KIF16B: variants seen among roughly 807,000 people sequenced by gnomAD.
KIF16B encodes kinesin family member 16B.
A neutral mutation model predicts 156.3 loss-of-function variants in KIF16B; 98 were observed. The observed-to-expected ratio is 0.63, with a 90% CI of 0.53 to 0.74. The LOEUF is 0.74. Among genes scored for constraint, KIF16B ranks in the 30% least tolerant of loss-of-function variants. The probability of loss-of-function intolerance (pLI) is 0.00; values close to 1 mark genes in which losing one functional copy is unlikely to be tolerated. For synonymous variants in KIF16B, 564 were observed against 583.7 expected (o/e 0.97, Z 0.49); for missense variants, 1,421 against 1,606.5 (o/e 0.88, Z 1.97).
In KIF16B at chr20:16,409,982, T is replaced by TGTAGGTAC. The variant is rs1357776953; in HGVS notation, c.1613-3527_1613-3526insGTACCTAC. ...ATATATATATATACATATATATATA[T>TGTAGGTAC]ATATATATATGTAGGTACATATATA... On this transcript the variant is annotated intron_variant, in intron 15 of 25. Transcript: ENST00000354981. Among the ~76,000 whole-genome samples, 355 of 55,494 alleles carry TGTAGGTAC rather than the reference T, an allele frequency of 6.4e-3. 16 individuals carry two copies. Among genetic ancestry groups the TGTAGGTAC allele is most frequent in the Non-Finnish European group, 9.0e-3 (265 of 29,312 alleles). The allele number at this position is 55,494 out of a possible 152,430, so 36.4% of individuals were successfully genotyped here.
Position 16,444,289 on chromosome 20 carries a change from C to T in KIF16B, c.1303-14307G>A, listed in dbSNP as rs561899966. Among the ~76,000 whole-genome samples, 7 of 152,268 alleles carry T rather than the reference C, an allele frequency of 4.6e-5. No individual in the cohort carries two copies. In the South Asian group the frequency reaches 1.5e-3, roughly 32 times the overall value. On this transcript the variant is annotated intron_variant, in intron 12 of 25. Coordinates refer to ENST00000354981, the MANE Select transcript of KIF16B (RefSeq NM_024704.5). Reference sequence around the variant, plus strand: ...AGGCCCTATGGTAGAAGTCAGCCAACTATGGCTGAAGGCCAAATAAGGCTG... The same window carrying T: ...AGGCCCTATGGTAGAAGTCAGCCAATTATGGCTGAAGGCCAAATAAGGCTG...
intron 17 of KIF16B, among the ~76,000 whole-genome samples, chr20:16,388,240 T>C (rs2065273942): frequency 6.6e-6 from 1 of 152,246 alleles, no homozygotes; most frequent in South Asian, 2.1e-4. Flanking sequence ...TGCAGTGATA[T>C]GAGTTGCTGC....
chr20:16,509,359 A>C (rs2068886360), intron 6 of KIF16B, among the ~76,000 whole-genome samples: 1 of 152,198 alleles, frequency 6.6e-6, no homozygotes, highest in Admixed American at 6.5e-5. Flanking sequence ...TAGAGGTGGA[A>C]TTTCTAGACA....
At chr20:16,393,703 T>C (rs2065425745) in intron 17 of KIF16B, among the ~76,000 whole-genome samples, 1 of 152,214 alleles carries the variant, frequency 6.6e-6, no homozygotes, top group Admixed American at 6.5e-5. Flanking sequence ...CAAACAGATA[T>C]AATCACCAAC....
intron 25 of KIF16B, among the ~76,000 whole-genome samples, chr20:16,284,662 C>A (rs541918877): frequency 6.6e-6 from 1 of 152,108 alleles, no homozygotes; most frequent in Non-Finnish European, 1.5e-5. Context: ...CAGTTCCTCA[C>A]GAGCTCAAAG....
chr20:16,417,312 G>A (rs184566809), intron 15 of KIF16B, among the ~76,000 whole-genome samples: 53 of 152,236 alleles, frequency 3.5e-4, no homozygotes, highest in East Asian at 2.7e-3. Context: ...CCTGGCCAAC[G>A]GGTAGTACAC....
rs376089765 is a variant in KIF16B, at chr20:16,507,017, C to A, written c.700-827G>T. ...CCTGGAAGGCTGAGGTGGGAGATCA[C>A]TTGAGCCCAGAGGTTGAGACTGCAG... On this transcript the variant is annotated intron_variant, in intron 7 of 25. Coordinates refer to ENST00000354981, the MANE Select transcript of KIF16B (RefSeq NM_024704.5). 8.6e-5 allele frequency among the ~76,000 whole-genome samples: 13 copies of A among 151,224 alleles called. No individual in the cohort carries two copies. The South Asian group carries it at 1.3e-3, about 15-fold the overall frequency.
At chr20:16,470,425 T>C (rs2067628092) in intron 12 of KIF16B, among the ~76,000 whole-genome samples, 1 of 152,054 alleles carries the variant, frequency 6.6e-6, no homozygotes, top group Non-Finnish European at 1.5e-5. Context: ...GGAGGTTGTG[T>C]ACATATGGGC....
At chr20:16,537,087 A>G (rs1477565502) in intron 1 of KIF16B, among the ~76,000 whole-genome samples, 1 of 151,372 alleles carries the variant, frequency 6.6e-6, no homozygotes, top group African/African-American at 2.4e-5. Flanking sequence ...CCTCTCTCAC[A>G]CACACTCCAT....
At chr20:16,558,247 G>A (rs1425332583) in intron 1 of KIF16B, among the ~76,000 whole-genome samples, 1 of 152,196 alleles carries the variant, frequency 6.6e-6, no homozygotes, top group Non-Finnish European at 1.5e-5. Flanking sequence ...CACAGAGTGT[G>A]GCAGAAAGAG....
intron 22 of KIF16B, among the ~76,000 whole-genome samples, chr20:16,362,409 A>G (rs1414361872): frequency 6.6e-6 from 1 of 152,228 alleles, no homozygotes; most frequent in African/African-American, 2.4e-5. Flanking sequence ...AATAAAAGGA[A>G]TTGAAAAGAA....
chr20:16,569,809 A>G (rs958538158), intron 1 of KIF16B, among the ~76,000 whole-genome samples: 3 of 152,252 alleles, frequency 2.0e-5, no homozygotes, highest in African/African-American at 7.2e-5. Flanking sequence ...TGCTGGGTTA[A>G]TAATTAATTC....
chr20:16,371,674 G>A lies in KIF16B; in HGVS notation c.3438C>T (p.Asp1146=), dbSNP rs768031772. Residue 1146 remains aspartate, a synonymous_variant, in exon 21 of 26, where the codon GAC becomes GAT. Transcript: ENST00000354981. The part of the protein sequence containing the change: ...VISEGCSTSA[D]TMKDNEKLHN... Reference sequence around the variant, plus strand: ...GGCTCCTTCAGCTTACCTTCATCGTGTCTGCAGATGTACTGCAGCCTTCAC... The same window carrying A: ...GGCTCCTTCAGCTTACCTTCATCGTATCTGCAGATGTACTGCAGCCTTCAC... The A allele has an allele frequency of 1.9e-6, 3 of 1,608,800 alleles. No homozygotes were observed. The highest frequency in any genetic ancestry group is 1.1e-5 in the South Asian group (1 of 90,896).
chr20:16,321,312 T>C (rs2063770409), intron 24 of KIF16B, among the ~76,000 whole-genome samples: 1 of 152,182 alleles, frequency 6.6e-6, no homozygotes, highest in Non-Finnish European at 1.5e-5. Flanking sequence ...AAGTGATTAT[T>C]CTTTTTACAA....
intron 12 of KIF16B, among the ~76,000 whole-genome samples, chr20:16,460,400 C>A (rs1213304404): frequency 6.6e-6 from 1 of 152,038 alleles, no homozygotes; most frequent in Admixed American, 6.6e-5. Flanking sequence ...GGTGAAACCC[C>A]ATCTCTACTA....
At chr20:16,350,294 C>T (rs75431727) in intron 23 of KIF16B, among the ~76,000 whole-genome samples, 7,426 of 152,268 alleles carry the variant, frequency 0.049, 224 homozygotes, top group Non-Finnish European at 0.076. Context: ...CACCTCGGAG[C>T]GTAGCCGGAA....
intron 19 of KIF16B, among the ~76,000 whole-genome samples, chr20:16,378,038 T>C (rs955497404): frequency 6.6e-6 from 1 of 152,216 alleles, no homozygotes; most frequent in Admixed American, 6.5e-5. Context: ...TGTTTTATAA[T>C]GCAGAGTCCT....
intron 10 of KIF16B, 109 bp downstream of exon 10, chr20:16,504,263 A>C: frequency 9.2e-7 from 1 of 1,084,618 alleles, no homozygotes; most frequent in Non-Finnish European, 1.4e-6. Flanking sequence ...TTTACTTAGC[A>C]CTTATTTACT....
intron 25 of KIF16B, among the ~76,000 whole-genome samples, chr20:16,297,445 C>G (rs1445053196): frequency 6.6e-6 from 1 of 152,206 alleles, no homozygotes; most frequent in Non-Finnish European, 1.5e-5. Context: ...GTAATCCCAG[C>G]ACTTGGGGAG....
Sources: allele counts gnomAD v4.1 joint callset (sites outside exome capture counted in the v4.1 genomes callset), GRCh38; gene constraint gnomAD v4.1.1; transcripts MANE v1.5; gene names NCBI Gene and HGNC (gene_info 2026-07-23, HGNC 2026-07-21).